Variants in BICD1 observed in about 807,000 individuals in gnomAD.
BICD1 encodes protein bicaudal D homolog 1.
BICD1 carries 35 observed loss-of-function variants against 92.5 expected under a neutral mutation model. The ratio of observed to expected loss-of-function variants is 0.38; its 90% CI spans 0.29 to 0.50. BICD1 has a LOEUF of 0.50. Ranked by LOEUF, BICD1 falls within the 20% of genes least tolerant of loss-of-function variation. The pLI, the probability that BICD1 is intolerant of heterozygous loss-of-function variation, is 0.93. For synonymous variants in BICD1, 429 were observed against 465.1 expected (o/e 0.92, Z 1.00); for missense variants, 950 against 1,189.8 (o/e 0.80, Z 2.97).
chr12:32,160,200 T>G lies in BICD1; in HGVS notation c.213+52656T>G, dbSNP rs75618245. Among the ~76,000 whole-genome samples the G allele has an allele frequency of 8.2e-3, 1,250 of 152,312 alleles. 18 individuals are homozygous for G. The highest frequency in any genetic ancestry group is 0.028 in the African/African-American group (1,168 of 41,568). On this transcript the variant is annotated intron_variant, in intron 1 of 9. Transcript: ENST00000652176. ...TACTGGAATAGCTCACTCTGGATAT[T>G]GTTCACTTCTGGAACCAAGCCCACC... is the stretch of plus-strand genomic sequence containing the variant.
chr12:32,194,298 A>T (rs1360311021), intron 1 of BICD1, among the ~76,000 whole-genome samples: 1 of 152,220 alleles, frequency 6.6e-6, no homozygotes, highest in African/African-American at 2.4e-5. Context: ...GAACAAGAGA[A>T]GGATGCCCAC....
At position 32,334,637 on chromosome 12, in the gene BICD1, T is replaced by C. The variant is rs748263015; in HGVS notation, c.2222T>C (p.Phe741Ser). Residue 741 changes from phenylalanine (F) to serine (S), a missense_variant, in exon 6 of 10, where the codon TTC (phenylalanine) becomes TCC (serine). Coordinates refer to ENST00000652176, the MANE Select transcript of BICD1 (RefSeq NM_001714.4). ...GCTTTGAAAGAAGATGCTGCAACCT[T>C]CTCATCCCTGAGAGCAATGTTTGCA... ...LKALKEDAAT[F>S]SSLRAMFATR... The C allele has an allele frequency of 6.2e-7, 1 of 1,612,706 alleles. No individual in the cohort carries two copies. The highest frequency in any genetic ancestry group is 8.5e-7 in the Non-Finnish European group (1 of 1,179,486).
chr12:32,383,258 T>C lies in BICD1; in HGVS notation c.*5631T>C, dbSNP rs763506470. 7.9e-5 allele frequency: 12 copies of C among 152,288 alleles called. No individual in the cohort carries two copies. The highest frequency in any genetic ancestry group is 1.8e-4 in the Non-Finnish European group (12 of 67,974). The allele number at this position is 152,288 out of a possible 1,614,324, so 9.4% of individuals were successfully genotyped here. On this transcript the variant is annotated 3_prime_UTR_variant, in exon 10 of 10. Transcript: ENST00000652176. ...TTTCCACCTACTGATAAATACCATA[T>C]GAAAACACGACTAAAAGACTGATTT... is the stretch of plus-strand genomic sequence containing the variant.
chr12:32,124,401 C>T (rs760306581), intron 1 of BICD1, among the ~76,000 whole-genome samples: 23 of 151,978 alleles, frequency 1.5e-4, no homozygotes, highest in Non-Finnish European at 2.8e-4. Flanking sequence ...GCTATGTGAC[C>T]TTAGGCCAAT....
chr12:32,223,508 C>T (rs914094979), intron 2 of BICD1, among the ~76,000 whole-genome samples: 5 of 131,354 alleles, frequency 3.8e-5, no homozygotes, highest in African/African-American at 1.5e-4. Context: ...CAGAAAGAGA[C>T]TTTGTCTCAA....
At chr12:32,365,846 G>A (rs534711107) in intron 8 of BICD1, among the ~76,000 whole-genome samples, 2 of 152,282 alleles carry the variant, frequency 1.3e-5, no homozygotes, top group East Asian at 1.9e-4. Context: ...AGGGAATCTG[G>A]AGCTAATCAA....
chr12:32,306,256 C>A (rs1948213588), intron 4 of BICD1, 134 bp downstream of exon 4: 4 of 1,039,978 alleles, frequency 3.8e-6, no homozygotes, highest in Non-Finnish European at 4.0e-6. Context: ...CTTTTCTGTT[C>A]TTTTCGAGAC....
In BICD1 at chr12:32,271,349, A is replaced by G. The variant is rs138403148; in HGVS notation, c.427-22645A>G. Among the ~76,000 whole-genome samples, 753 of 152,244 alleles carry G rather than the reference A, an allele frequency of 4.9e-3. 3 individuals are homozygous for G. Among genetic ancestry groups the G allele is most frequent in the Admixed American group, 0.016 (239 of 15,298 alleles). On this transcript the variant is annotated intron_variant, in intron 2 of 9. Transcript: ENST00000652176. ...GTGAAAGAAAATGCACAGTTCGTCTATTTGGGGCTTCTGAAAGATGTTAGG... is the reference window on the plus strand; with the variant it reads ...GTGAAAGAAAATGCACAGTTCGTCTGTTTGGGGCTTCTGAAAGATGTTAGG...
In BICD1 at chr12:32,106,945, G is replaced by C. The variant is rs1256880670; in HGVS notation, c.-387G>C. On this transcript the variant is annotated 5_prime_UTR_variant, in exon 1 of 10. Coordinates refer to ENST00000652176, the MANE Select transcript of BICD1 (RefSeq NM_001714.4). ...GCCAGACCCAGGGCGAGACTGCAGTGACGCGGCCCGGGAGACATGGCGGAC... is the reference window on the plus strand; with the variant it reads ...GCCAGACCCAGGGCGAGACTGCAGTCACGCGGCCCGGGAGACATGGCGGAC... 1.4e-5 allele frequency: 3 copies of C among 217,648 alleles called. No homozygotes were observed. The highest frequency in any genetic ancestry group is 2.7e-5 in the Non-Finnish European group (3 of 109,828). 13.5% of individuals were successfully genotyped at this position (217,648 alleles called of 1,614,324 possible).
chr12:32,251,882 A>G (rs1476619212), intron 2 of BICD1, among the ~76,000 whole-genome samples: 1 of 148,672 alleles, frequency 6.7e-6, no homozygotes, highest in Non-Finnish European at 1.5e-5. Context: ...GACATCTATT[A>G]TCTTTCCCTC....
intron 1 of BICD1, among the ~76,000 whole-genome samples, chr12:32,205,269 A>G (rs1945015569): frequency 6.6e-6 from 1 of 152,092 alleles, no homozygotes; most frequent in African/African-American, 2.4e-5. Context: ...TGTCCCTTCA[A>G]CTGAGAATAT....
chr12:32,136,999 T>C (rs1227861026), intron 1 of BICD1, among the ~76,000 whole-genome samples: 1 of 152,244 alleles, frequency 6.6e-6, no homozygotes, highest in Non-Finnish European at 1.5e-5. Context: ...CATTAATACC[T>C]GGAGCTAAAA....
intron 2 of BICD1, among the ~76,000 whole-genome samples, chr12:32,276,202 C>T (rs969934928): frequency 2.0e-5 from 3 of 152,154 alleles, no homozygotes; most frequent in Non-Finnish European, 4.4e-5. Flanking sequence ...CTAGCCCATG[C>T]TCCAATGTTA....
chr12:32,125,686 G>A (rs1942301630), intron 1 of BICD1, among the ~76,000 whole-genome samples: 1 of 152,134 alleles, frequency 6.6e-6, no homozygotes, highest in African/African-American at 2.4e-5. Flanking sequence ...GAATGAATGA[G>A]TCGACTACTT....
intron 2 of BICD1, among the ~76,000 whole-genome samples, chr12:32,283,596 C>T (rs1947478150): frequency 6.6e-6 from 1 of 152,120 alleles, no homozygotes; most frequent in African/African-American, 2.4e-5. Context: ...GAAGAACCAC[C>T]GTTGTAGATA....
At chr12:32,314,761 GTT>G (rs57360088) in intron 4 of BICD1, among the ~76,000 whole-genome samples, 147 of 147,068 alleles carry the variant, frequency 1.0e-3, no homozygotes, top group African/African-American at 3.5e-3. Context: ...GTACAAAGGA[GTT>G]TTTTTTTTTT....
chr12:32,169,517 G>A (rs567547484), intron 1 of BICD1, among the ~76,000 whole-genome samples: 3 of 152,028 alleles, frequency 2.0e-5, no homozygotes, highest in Middle Eastern at 6.8e-3. Context: ...GGGCTCAAGC[G>A]ATCCTCCCGC....
chr12:32,107,029 G>T lies in BICD1; in HGVS notation c.-303G>T. On this transcript the variant is annotated 5_prime_UTR_variant, in exon 1 of 10. Transcript: ENST00000652176. ...TCGCTACCCGCGGCCGCCGCAGCCCGGGCCATGCCGCACGGCTGCTGACCG... is the reference window on the plus strand; with the variant it reads ...TCGCTACCCGCGGCCGCCGCAGCCCTGGCCATGCCGCACGGCTGCTGACCG... 3.0e-6 allele frequency: 1 copy of T among 338,058 alleles called. No individual in the cohort carries two copies. Among genetic ancestry groups the T allele is most frequent in the Non-Finnish European group, 5.4e-6 (1 of 184,074 alleles). The allele number at this position is 338,058 out of a possible 1,614,324, so 20.9% of individuals were successfully genotyped here.
chr12:32,256,304 C>T (rs985998325), intron 2 of BICD1, among the ~76,000 whole-genome samples: 2 of 152,190 alleles, frequency 1.3e-5, no homozygotes, highest in African/African-American at 4.8e-5. Context: ...CCTGCTTTGA[C>T]CTTCAAAAAT....
Sources: gnomAD v4.1 joint callset for allele counts (sites outside exome capture counted in the v4.1 genomes callset) on GRCh38, gnomAD v4.1.1 for gene constraint, MANE v1.5 for transcripts, NCBI Gene and HGNC (gene_info 2026-07-23, HGNC 2026-07-21) for gene names.